SLC17A5: variants seen among roughly 807,000 people sequenced by gnomAD.
SLC17A5 encodes the protein solute carrier family 17 member 5, also known as sialin.
A neutral mutation model predicts 59.4 loss-of-function variants in SLC17A5; 47 were observed. That is an observed-to-expected ratio of 0.79 (90% CI 0.63 to 1.01). The LOEUF is 1.01. SLC17A5 is among the 50% of genes least tolerant of loss of function. The pLI, the probability that SLC17A5 is intolerant of heterozygous loss-of-function variation, is 0.00. For synonymous variants in SLC17A5, 202 were observed against 210.7 expected, an observed-to-expected ratio of 0.96 and a Z score of 0.36; for missense variants, 522 against 595.5, an observed-to-expected ratio of 0.88 and a Z score of 1.28.
At chr6:73,630,374 T>C (rs1032221914) in intron 6 of SLC17A5, among the ~76,000 whole-genome samples, 1 of 152,206 alleles carries the variant, frequency 6.6e-6, no homozygotes, top group Non-Finnish European at 1.5e-5. Context: ...ATTGTAAGAA[T>C]GAAATCACAT....
chr6:73,652,243 C>A (rs779430683), intron 1 of SLC17A5, among the ~76,000 whole-genome samples: 21 of 152,230 alleles, frequency 1.4e-4, no homozygotes, highest in Non-Finnish European at 2.6e-4. Flanking sequence ...ACACTCAACA[C>A]ATGAATCAAG....
intron 6 of SLC17A5, among the ~76,000 whole-genome samples, chr6:73,624,833 A>C (rs1276622306): frequency 6.6e-6 from 1 of 152,112 alleles, no homozygotes; most frequent in Non-Finnish European, 1.5e-5. Context: ...AGATCACATC[A>C]CTGCACTCCA....
At chr6:73,598,642 G>C (rs1230388164) in intron 10 of SLC17A5, among the ~76,000 whole-genome samples, 1 of 152,134 alleles carries the variant, frequency 6.6e-6, no homozygotes, top group East Asian at 1.9e-4. Flanking sequence ...AAAGAAGAAA[G>C]AAATTACAAT....
At chr6:73,619,854 G>T (rs1212565934) in intron 7 of SLC17A5, among the ~76,000 whole-genome samples, 1 of 150,812 alleles carries the variant, frequency 6.6e-6, no homozygotes, top group South Asian at 2.1e-4. Context: ...AGAAACATCA[G>T]TGTAGTAATC....
At chr6:73,606,156 C>T (rs1361184344) in intron 9 of SLC17A5, among the ~76,000 whole-genome samples, 1 of 151,984 alleles carries the variant, frequency 6.6e-6, no homozygotes, top group Non-Finnish European at 1.5e-5. Flanking sequence ...AATTCTCATG[C>T]CTCAGCCTCC....
chr6:73,635,092 AT>A (rs879943420), intron 6 of SLC17A5: 10 of 169,432 alleles, frequency 5.9e-5, no homozygotes, highest in South Asian at 3.9e-4. Flanking sequence ...TGTATTTAAA[AT>A]TTTTTTTTAA....
chr6:73,621,966 A>G lies in SLC17A5; in HGVS notation c.820-4T>C. On this transcript the variant is annotated splice_polypyrimidine_tract_variant and splice_region_variant and intron_variant, in intron 6 of 10. Transcript: ENST00000355773. The stretch of plus-strand genomic sequence containing the variant: ...GCACTGACTTCTGTGAAGAAAGCTG[A>G]AGAAAACAGGAATAATTAGGATAAA... 6.2e-7 allele frequency: 1 copy of G among 1,613,874 alleles called. No individual in the cohort carries two copies. The highest frequency in any genetic ancestry group is 8.5e-7 in the Non-Finnish European group (1 of 1,179,812).
intron 5 of SLC17A5, among the ~76,000 whole-genome samples, chr6:73,635,723 T>C (rs75795721): frequency 1.5e-3 from 232 of 151,926 alleles, no homozygotes; most frequent in African/African-American, 5.3e-3. Context: ...TTATTGCTTA[T>C]ACATTTTGAA....
intron 1 of SLC17A5, chr6:73,653,526 C>T (rs1769969657): frequency 2.1e-6 from 2 of 949,456 alleles, no homozygotes; most frequent in Admixed American, 6.2e-5. Flanking sequence ...GCCCCCGCCC[C>T]CGCCCGGTGG....
chr6:73,624,233 G>A (rs1221264610), intron 6 of SLC17A5, among the ~76,000 whole-genome samples: 2 of 151,768 alleles, frequency 1.3e-5, no homozygotes, highest in Non-Finnish European at 2.9e-5. Context: ...GTGAAACCCT[G>A]TCTCTACTAA....
rs752732759 is a variant in SLC17A5, at chr6:73,644,427, T to C, written c.271A>G (p.Lys91Glu). 1 of 1,613,810 alleles carries C rather than the reference T, an allele frequency of 6.2e-7. No homozygotes were observed. Among genetic ancestry groups the C allele is most frequent in the South Asian group, 1.1e-5 (1 of 90,978 alleles). Residue 91 changes from lysine (K) to glutamate (E), a missense_variant, in exon 2 of 11, where the codon AAA (lysine) becomes GAA (glutamate). Coordinates refer to ENST00000355773, the MANE Select transcript of SLC17A5 (RefSeq NM_012434.5). ...CCTACCGTTTGATTATGATGAACTT[T>C]TATGGGAGCAGAATGCTCTGGACAC... is the stretch of plus-strand genomic sequence containing the variant. ...KACPEHSAPI[K>E]VHHNQTGKKY...
rs765592650 is a variant in SLC17A5 at position 73,641,860 on chromosome 6, T to C, written c.356A>G (p.Tyr119Cys). The change falls in exon 3 of 11, where the codon TAC becomes TGC. Residue 119 changes from tyrosine (Y) to cysteine (C), a missense_variant. Around this residue, in one of 3 missense-constraint regions of SLC17A5, gnomAD observed 338 missense variants for 363.8 expected, o/e 0.93. Coordinates refer to ENST00000355773, the MANE Select transcript of SLC17A5 (RefSeq NM_012434.5). Reference protein sequence around the residue: ...GWILGSFFYGYIITQIPGGYV... With the variant: ...GWILGSFFYGCIITQIPGGYV... ...TCCTCCAGGAATCTGTGTGATGATG[T>C]AGCCATAAAAAAAGGAACCGAGAAT... 2.5e-6 allele frequency: 4 copies of C among 1,614,234 alleles called. No homozygotes were observed. The highest frequency in any genetic ancestry group is 3.4e-6 in the Non-Finnish European group (4 of 1,180,040).
At chr6:73,630,342 A>G (rs1011688424) in intron 6 of SLC17A5, among the ~76,000 whole-genome samples, 3 of 152,180 alleles carry the variant, frequency 2.0e-5, no homozygotes, top group African/African-American at 7.2e-5. Flanking sequence ...TATATATGCT[A>G]TCATAATTGT....
In SLC17A5 at chr6:73,641,936, A is replaced by G; in HGVS notation, c.292-12T>C. 1 of 1,607,148 alleles carries G rather than the reference A, an allele frequency of 6.2e-7. No individual in the cohort carries two copies. Among genetic ancestry groups the G allele is most frequent in the Non-Finnish European group, 8.5e-7 (1 of 1,173,626 alleles). ...TGGTACTTCTTACCCTACAAAAATC[A>G]GAAAAGAATAAAACAATCCTTTAAG... is the stretch of plus-strand genomic sequence containing the variant. On this transcript the variant is annotated splice_polypyrimidine_tract_variant and intron_variant, in intron 2 of 10. Transcript: ENST00000355773.
intron 9 of SLC17A5, among the ~76,000 whole-genome samples, chr6:73,604,674 A>G (rs567727): frequency 0.11 from 16,321 of 152,168 alleles, 1,048 homozygotes; most frequent in Middle Eastern, 0.18. Flanking sequence ...GGATTGCAGG[A>G]GGATTGCTTG....
chr6:73,635,945 T>G (rs1768972977), intron 5 of SLC17A5, among the ~76,000 whole-genome samples: 1 of 152,084 alleles, frequency 6.6e-6, no homozygotes, highest in Non-Finnish European at 1.5e-5. Context: ...TCCACCATGT[T>G]GGCCAGGCTG....
chr6:73,599,684 T>C (rs561524306), intron 10 of SLC17A5, among the ~76,000 whole-genome samples: 3 of 152,336 alleles, frequency 2.0e-5, no homozygotes, highest in Non-Finnish European at 4.4e-5. Context: ...ACAGGTACCG[T>C]GTCACTTAAG....
At chr6:73,638,659 T>C (rs1232558587) in intron 3 of SLC17A5, among the ~76,000 whole-genome samples, 160 bp from the exon 4 acceptor site, 1 of 152,160 alleles carries the variant, frequency 6.6e-6, no homozygotes, top group Non-Finnish European at 1.5e-5. Flanking sequence ...AGTGAAAATA[T>C]CTTATAATGA....
chr6:73,647,356 C>A (rs1271657676), intron 1 of SLC17A5, among the ~76,000 whole-genome samples: 1 of 152,134 alleles, frequency 6.6e-6, no homozygotes, highest in Non-Finnish European at 1.5e-5. Flanking sequence ...GTGGCTTAAA[C>A]TACAGTGAAA....
Sources: gnomAD v4.1 joint callset for allele counts (sites outside exome capture counted in the v4.1 genomes callset) on GRCh38, gnomAD v4.1.1 for gene constraint, gnomAD v4.1.1 regional missense constraint, MANE v1.5 for transcripts, NCBI Gene and HGNC (gene_info 2026-07-23, HGNC 2026-07-21) for gene names.